Variants in NFRKB observed in about 807,000 individuals in gnomAD.
NFRKB encodes the protein nuclear factor related to kappa-B-binding protein.
Under a neutral mutation model 135.7 loss-of-function variants are expected in NFRKB, and 62 were observed. The observed-to-expected ratio is 0.46, with a 90% CI of 0.37 to 0.56. The LOEUF (loss-of-function observed/expected upper bound fraction) is 0.56. Ranked by LOEUF, NFRKB falls within the 20% of genes least tolerant of loss-of-function variation. The probability of loss-of-function intolerance (pLI) is 0.00; values close to 1 mark genes in which losing one functional copy is unlikely to be tolerated. For missense variants in NFRKB, 1,545 were observed against 1,662.0 expected (o/e 0.93, Z 1.22); for synonymous variants, 678 against 635.6 (o/e 1.07, Z -1.00).
At position 129,894,425 on chromosome 11, in the gene NFRKB, C is replaced by G. The variant is rs73016832; in HGVS notation, c.-88G>C. 6.6e-6 allele frequency: 1 copy of G among 152,198 alleles called. No individual in the cohort carries two copies. 9.4% of individuals were successfully genotyped at this position (152,198 alleles called of 1,614,324 possible). A position where few individuals can be genotyped will look rare whatever the true frequency, so the allele number is the denominator to read the frequency against. On this transcript the variant is annotated 5_prime_UTR_variant, in exon 2 of 27. Transcript: ENST00000682444. ...GACCAGGTCCTCCCTCCCGTTATTT[C>G]CAATTCTGGAATCCTGCAATGAATA...
Position 129,874,590 on chromosome 11 carries a change from A to G in NFRKB, c.1979-10T>C, listed in dbSNP as rs1370374640. Reference sequence around the variant, plus strand: ...GCTTGGTGAATCCGCTCTGTGAACAAGAGGGGCAAGCTTCAGCCAGAGTTT... The same window carrying G: ...GCTTGGTGAATCCGCTCTGTGAACAGGAGGGGCAAGCTTCAGCCAGAGTTT... On this transcript the variant is annotated splice_polypyrimidine_tract_variant and intron_variant, in intron 19 of 26. Transcript: ENST00000682444. This position sits in a 1 kb window ranked among gnomAD's most constrained non-coding sequence, Gnocchi z 4.5. The G allele has an allele frequency of 6.2e-7, 1 of 1,613,764 alleles. No individual in the cohort carries two copies. Among genetic ancestry groups the G allele is most frequent in the Non-Finnish European group, 8.5e-7 (1 of 1,179,928 alleles).
intron 8 of NFRKB, among the ~76,000 whole-genome samples, chr11:129,883,859 T>C (rs1487275631): frequency 6.6e-6 from 1 of 152,194 alleles, no homozygotes; most frequent in Non-Finnish European, 1.5e-5. Flanking sequence ...CTGTAACGAT[T>C]AAGGCAGACA....
intron 10 of NFRKB, 38 bp from the exon 11 acceptor site, chr11:129,882,232 A>G (rs759685129): frequency 1.3e-6 from 2 of 1,551,148 alleles, no homozygotes; most frequent in East Asian, 4.5e-5. Context: ...CAAAAAGACC[A>G]AGAACACATC....
Position 129,870,063 on chromosome 11 carries a change from C to T in NFRKB, c.2962G>A (p.Val988Ile). ...CCGAAGAGGTCCTGGGTCAATTTGACTGTGGTAACCTGGGACTTGGCCAAT... is the reference window on the plus strand; with the variant it reads ...CCGAAGAGGTCCTGGGTCAATTTGATTGTGGTAACCTGGGACTTGGCCAAT... Reference protein sequence around the residue: ...ATLAKSQVTTVKLTQDLFGTG... With the variant: ...ATLAKSQVTTIKLTQDLFGTG... The change falls in exon 24 of 27, where the codon GTC becomes ATC. Residue 988 changes from valine (V) to isoleucine (I), a missense_variant. Coordinates refer to ENST00000682444, the MANE Select transcript of NFRKB (RefSeq NM_001143835.2). 1 of 1,614,284 alleles carries T rather than the reference C, an allele frequency of 6.2e-7. No individual in the cohort carries two copies. The highest frequency in any genetic ancestry group is 8.5e-7 in the Non-Finnish European group (1 of 1,180,058).
intron 3 of NFRKB, among the ~76,000 whole-genome samples, chr11:129,890,029 GTTT>G (rs371082832): frequency 1.5e-5 from 2 of 134,250 alleles, no homozygotes; most frequent in Non-Finnish European, 3.1e-5. Flanking sequence ...GGGTTTTTTT[GTTT>G]TTTTTTTTTG....
chr11:129,878,548 T>G lies in NFRKB; in HGVS notation c.1385-5A>C, dbSNP rs754609025. 2 of 1,611,974 alleles carry G rather than the reference T, an allele frequency of 1.2e-6. No homozygotes were observed. The highest frequency in any genetic ancestry group is 1.7e-5 in the Admixed American group (1 of 59,954). On this transcript the variant is annotated splice_region_variant and splice_polypyrimidine_tract_variant and intron_variant, in intron 13 of 26. Coordinates refer to ENST00000682444, the MANE Select transcript of NFRKB (RefSeq NM_001143835.2). ...TTTCATTATCTTGGGATTGGCCTAT[T>G]AGAGGAATAAAGAGATAAAAAAATA... is the stretch of plus-strand genomic sequence containing the variant.
chr11:129,882,458 T>C lies in NFRKB; in HGVS notation c.1075A>G (p.Lys359Glu), dbSNP rs776425915. Residue 359 changes from lysine to glutamate, a missense_variant, in exon 10 of 27, where the codon AAG becomes GAG. Physicochemically the swap from Lys to Glu is moderately conservative, Grantham distance 56. Around this residue, in one of 3 missense-constraint regions of NFRKB, gnomAD observed 678 missense variants for 646.7 expected, o/e 1.05. Coordinates refer to ENST00000682444, the MANE Select transcript of NFRKB (RefSeq NM_001143835.2). ...TCTCTGTTGCTCACTTACTCTTCCTTGATAGCAGGAATTGCCAGCGGAGAG... is the reference window on the plus strand; with the variant it reads ...TCTCTGTTGCTCACTTACTCTTCCTCGATAGCAGGAATTGCCAGCGGAGAG... ...APSPLAIPAI[K>E]EEPLEDLKPC... The C allele has an allele frequency of 1.2e-6, 2 of 1,613,270 alleles. No individual in the cohort carries two copies. The highest frequency in any genetic ancestry group is 1.7e-6 in the Non-Finnish European group (2 of 1,179,694).
chr11:129,884,435 G>A (rs1260989010), intron 7 of NFRKB, among the ~76,000 whole-genome samples: 1 of 152,174 alleles, frequency 6.6e-6, no homozygotes, highest in East Asian at 1.9e-4. Flanking sequence ...AGAACGGCTT[G>A]GCTCTGGTTA....
At chr11:129,883,704 T>G (rs563963343) in intron 8 of NFRKB, among the ~76,000 whole-genome samples, 58 of 152,278 alleles carry the variant, frequency 3.8e-4, no homozygotes, top group Admixed American at 1.4e-3. Flanking sequence ...CTTGGTAGCA[T>G]GGAATAATGG....
rs201659689 is a variant in NFRKB at position 129,869,715 on chromosome 11, T to C, written c.3310A>G (p.Thr1104Ala). The part of the protein sequence containing the change: ...LGVMPPKAGQ[T>A]ITVATHAKQG... ...TTGGCGTGGGTTGCAACGGTGATGG[T>C]CTGGCCTGCTTTGGGAGGCATCACT... The change falls in exon 24 of 27, where the codon ACC becomes GCC. Residue 1104 changes from threonine to alanine, a missense_variant. Thr to Ala is a moderately conservative substitution (Grantham distance 58, BLOSUM62 0). Transcript: ENST00000682444. The C allele has an allele frequency of 1.3e-4, 210 of 1,614,242 alleles. No individual in the cohort carries two copies. The highest frequency in any genetic ancestry group is 1.6e-4 in the Non-Finnish European group (193 of 1,180,040).
chr11:129,883,513 G>A (rs541905513), intron 8 of NFRKB, among the ~76,000 whole-genome samples: 1 of 152,280 alleles, frequency 6.6e-6, no homozygotes, highest in East Asian at 1.9e-4. Context: ...GTTTTACAGA[G>A]TCTGGAAATG....
chr11:129,888,247 T>TA (rs1391339586), intron 4 of NFRKB: 21 of 579,244 alleles, frequency 3.6e-5, no homozygotes, highest in Non-Finnish European at 5.8e-5. Context: ...CGAACCTTGA[T>TA]ACGTGCAATA....
chr11:129,895,405 G>T lies in NFRKB; in HGVS notation c.-102+91C>A, dbSNP rs554485045. On this transcript the variant is annotated intron_variant, in intron 1 of 26. Transcript: ENST00000682444. ...GCTCCCGCTCCCCACGCCCACACGG[G>T]CAGCGACCTCGCGGACCCAGCCGCC... The T allele has an allele frequency of 9.7e-4, 148 of 153,192 alleles. No homozygotes were observed. The Middle Eastern group carries it at 0.017, about 18-fold the overall frequency. The allele number at this position is 153,192 out of a possible 1,614,324, so 9.5% of individuals were successfully genotyped here.
chr11:129,878,823 C>T (rs930486213), intron 13 of NFRKB, among the ~76,000 whole-genome samples: 6 of 152,212 alleles, frequency 3.9e-5, no homozygotes, highest in African/African-American at 1.2e-4. Context: ...AATTCAGTCC[C>T]CACCCTCATG....
chr11:129,872,025 C>T (rs1190119827), intron 23 of NFRKB, among the ~76,000 whole-genome samples: 1 of 152,150 alleles, frequency 6.6e-6, no homozygotes, highest in Non-Finnish European at 1.5e-5. Context: ...TCCTGGGCCT[C>T]GAATGTTTTA....
At chr11:129,877,574 C>T in intron 15 of NFRKB, among the ~76,000 whole-genome samples, 189 bp from the exon 16 acceptor site, 1 of 152,176 alleles carries the variant, frequency 6.6e-6, no homozygotes, top group East Asian at 1.9e-4. Context: ...TCCAAAATCA[C>T]TTGATTCTTA....
intron 8 of NFRKB, among the ~76,000 whole-genome samples, 165 bp downstream of exon 8, chr11:129,883,905 G>T (rs1438971782): frequency 6.6e-6 from 1 of 152,184 alleles, no homozygotes; most frequent in Non-Finnish European, 1.5e-5. Flanking sequence ...CAAAGCCACC[G>T]TGCCTCACAT....
rs767107846 is a variant in NFRKB, at chr11:129,870,205, G to A, written c.2820C>T (p.Leu940=). 3.4e-5 allele frequency: 55 copies of A among 1,614,110 alleles called. No homozygotes were observed. The South Asian group carries it at 5.8e-4, about 17-fold the overall frequency. Residue 940 remains leucine (L), a synonymous_variant, in exon 24 of 27, where the codon CTC becomes CTT. Transcript: ENST00000682444. ...VKPQTGNSIP[L]TATNFRIQGK... is the part of the protein sequence containing the mutation. ...CCTGGATGCGGAAGTTAGTGGCTGT[G>A]AGTGGAATGCTGTTGCCTGTTTGGG...
In NFRKB at chr11:129,870,033, C is replaced by T; in HGVS notation, c.2992G>A (p.Gly998Arg). 1 of 1,614,248 alleles carries T rather than the reference C, an allele frequency of 6.2e-7. No homozygotes were observed. The highest frequency in any genetic ancestry group is 8.5e-7 in the Non-Finnish European group (1 of 1,180,046). ...ATGCCTTTGCCTGTAGTGTTGCCTC[C>T]TGTCCCGAAGAGGTCCTGGGTCAAT... ...VKLTQDLFGT[G>R]GNTTGKGISA... Residue 998 changes from glycine to arginine, a missense_variant, in exon 24 of 27, where the codon GGA becomes AGA. Around this residue, in one of 3 missense-constraint regions of NFRKB, gnomAD observed 753 missense variants for 804.3 expected, o/e 0.94. Coordinates refer to ENST00000682444, the MANE Select transcript of NFRKB (RefSeq NM_001143835.2).
Sources: allele counts gnomAD v4.1 joint callset (sites outside exome capture counted in the v4.1 genomes callset), GRCh38; gene constraint gnomAD v4.1.1; regional missense constraint gnomAD v4.1.1; non-coding constraint Gnocchi (gnomAD v3.1); transcripts MANE v1.5; gene names NCBI Gene and HGNC (gene_info 2026-07-23, HGNC 2026-07-21).